GIMAP8: variants seen among roughly 807,000 people sequenced by gnomAD.
The protein encoded by GIMAP8 is GTPase IMAP family member 8.
In GIMAP8, 29 loss-of-function variants were observed where a neutral mutation model predicts 35.6. That is an observed-to-expected ratio of 0.81 (90% confidence interval 0.61 to 1.11). The LOEUF is 1.11. Ranked by LOEUF, GIMAP8 falls within the 50% of genes most tolerant of loss-of-function variation. GIMAP8 has a pLI of 0.00. For missense variants in GIMAP8, 811 were observed against 805.0 expected, an observed-to-expected ratio of 1.01 and a Z score of -0.09; for synonymous variants, 335 against 308.7, an observed-to-expected ratio of 1.09 and a Z score of -0.89.
At chr7:150,452,675 G>GATAGATAGATATATAT in intron 1 of GIMAP8, among the ~76,000 whole-genome samples, 1 of 79,672 alleles carries the variant, frequency 1.3e-5, no homozygotes, top group Non-Finnish European at 2.3e-5. Context: ...GTGTGTGTGA[G>GATAGATAGATATATAT]ATATATATAT....
At position 150,474,350 on chromosome 7, in the gene GIMAP8, G is replaced by A; in HGVS notation, c.1021G>A (p.Glu341Lys). ...ACTGGGCTTTTACACTAAGAATGATGAGGCAGTGCTGAGCACCATCCAAAA... is the reference window on the plus strand; with the variant it reads ...ACTGGGCTTTTACACTAAGAATGATAAGGCAGTGCTGAGCACCATCCAAAA... The part of the protein sequence containing the change: ...TPLGFYTKND[E>K]AVLSTIQNNF... Residue 341 changes from glutamate (E) to lysine (K), a missense_variant, in exon 4 of 5, where the codon GAG (glutamate) becomes AAG (lysine). By Grantham distance (56) the Glu-to-Lys change is moderately conservative (BLOSUM62 1). Transcript: ENST00000307271. 6.2e-7 allele frequency: 1 copy of A among 1,614,188 alleles called. No homozygotes were observed. Among genetic ancestry groups the A allele is most frequent in the Non-Finnish European group, 8.5e-7 (1 of 1,180,024 alleles).
Position 150,477,602 on chromosome 7 carries a change from G to T in GIMAP8, c.1820G>T (p.Gly607Val). 1 of 1,614,190 alleles carries T rather than the reference G, an allele frequency of 6.2e-7. No individual in the cohort carries two copies. The highest frequency in any genetic ancestry group is 8.5e-7 in the Non-Finnish European group (1 of 1,180,036). Residue 607 changes from glycine to valine, a missense_variant, in exon 5 of 5, where the codon GGC becomes GTC. Transcript: ENST00000307271. The stretch of plus-strand genomic sequence containing the variant: ...TGTGCTTTTAACAACAAAGAAACAG[G>T]CCAGGCCCAGGAAACCCAGGTGAAA... ...RVCAFNNKET[G>V]QAQETQVKAL...
chr7:150,477,391 T>C lies in GIMAP8; in HGVS notation c.1609T>C (p.Phe537Leu). 1 of 1,614,224 alleles carries C rather than the reference T, an allele frequency of 6.2e-7. No homozygotes were observed. The highest frequency in any genetic ancestry group is 8.5e-7 in the Non-Finnish European group (1 of 1,180,036). Residue 537 changes from phenylalanine (F) to leucine (L), a missense_variant, in exon 5 of 5, where the codon TTC (phenylalanine) becomes CTC (leucine). Phe to Leu is a conservative substitution (Grantham distance 22). Transcript: ENST00000307271. The stretch of plus-strand genomic sequence containing the variant: ...TGTCCTGGTGTTCCAGCTGGGACGA[T>C]TCACTGAAGAGGACAAAACAGCTGT... ...FFVLVFQLGR[F>L]TEEDKTAVAK...
intron 1 of GIMAP8, among the ~76,000 whole-genome samples, chr7:150,456,431 T>C (rs141786888): frequency 1.3e-5 from 2 of 152,308 alleles, no homozygotes; most frequent in Non-Finnish European, 2.9e-5. Context: ...AAGCTAGCAA[T>C]GTGGCATCTT....
At chr7:150,459,434 A>C (rs1801798796) in intron 1 of GIMAP8, among the ~76,000 whole-genome samples, 3 of 152,192 alleles carry the variant, frequency 2.0e-5, no homozygotes, top group Admixed American at 2.0e-4. Context: ...TAAGACCTTG[A>C]GGATGCGAAG....
At chr7:150,460,787 A>G (rs752235754) in intron 1 of GIMAP8, among the ~76,000 whole-genome samples, 1 of 152,226 alleles carries the variant, frequency 6.6e-6, no homozygotes, top group Non-Finnish European at 1.5e-5. Context: ...TAACTTGTGC[A>G]TTTAGGGCCT....
chr7:150,468,131 C>T (rs768789585), intron 2 of GIMAP8, among the ~76,000 whole-genome samples: 41 of 152,118 alleles, frequency 2.7e-4, no homozygotes, highest in Admixed American at 2.4e-3. Flanking sequence ...ACCCAGAATC[C>T]ACCTGCTTCT....
rs775850381 is a variant in GIMAP8, at chr7:150,474,523, C to T, written c.1194C>T (p.Ala398=). 1.3e-6 allele frequency: 2 copies of T among 1,577,530 alleles called. No homozygotes were observed. Among genetic ancestry groups the T allele is most frequent in the South Asian group, 2.2e-5 (2 of 90,842 alleles). The part of the protein sequence containing the change: ...LIQKCKNRYS[A]FNYRATGEEE... ...AGAAGTGTAAAAACAGATATAGTGC[C>T]TTCAACTACCGGGCAACAGGAGAAG... The change falls in exon 4 of 5, where the codon GCC becomes GCT. Residue 398 remains alanine, a synonymous_variant. Transcript: ENST00000307271.
chr7:150,464,491 G>A (rs1801908808), intron 1 of GIMAP8, among the ~76,000 whole-genome samples: 1 of 152,124 alleles, frequency 6.6e-6, no homozygotes, highest in South Asian at 2.1e-4. Context: ...AGACCCACCT[G>A]GGCAACATAG....
At chr7:150,469,285 G>C (rs77116388) in intron 2 of GIMAP8, among the ~76,000 whole-genome samples, 1 of 152,102 alleles carries the variant, frequency 6.6e-6, no homozygotes, top group Non-Finnish European at 1.5e-5. Flanking sequence ...ATCTGCATCA[G>C]CTAAAAGTCA....
Position 150,474,095 on chromosome 7 carries a change from C to T in GIMAP8, c.766C>T (p.Arg256Cys), listed in dbSNP as rs576578780. ...SELTVLLVGK[R>C]GAGKSAAGNS... ...ACTGACAGTCCTCCTTGTGGGGAAACGCGGTGCTGGAAAAAGTGCAGCAGG... is the reference window on the plus strand; with the variant it reads ...ACTGACAGTCCTCCTTGTGGGGAAATGCGGTGCTGGAAAAAGTGCAGCAGG... The change falls in exon 4 of 5, where the codon CGC becomes TGC. Residue 256 changes from arginine to cysteine, a missense_variant. Arg to Cys is a radical substitution (Grantham distance 180). Transcript: ENST00000307271. 80 of 1,614,162 alleles carry T rather than the reference C, an allele frequency of 5.0e-5. No homozygotes were observed. Among genetic ancestry groups the T allele is most frequent in the Middle Eastern group, 1.6e-4 (1 of 6,062 alleles).
At chr7:150,459,548 G>A (rs1434926643) in intron 1 of GIMAP8, among the ~76,000 whole-genome samples, 1 of 152,180 alleles carries the variant, frequency 6.6e-6, no homozygotes, top group Non-Finnish European at 1.5e-5. Context: ...GGGAGAAACA[G>A]CATCATATAT....
chr7:150,460,262 C>A (rs933966118), intron 1 of GIMAP8, among the ~76,000 whole-genome samples: 1 of 152,148 alleles, frequency 6.6e-6, no homozygotes, highest in African/African-American at 2.4e-5. Context: ...ATAAAATCTT[C>A]CTCTGCTGAA....
At chr7:150,466,230 T>A (rs185359542) in intron 1 of GIMAP8, among the ~76,000 whole-genome samples, 41 of 152,356 alleles carry the variant, frequency 2.7e-4, no homozygotes, top group Admixed American at 2.5e-3. Flanking sequence ...TGGCTACTCA[T>A]TAGAATTACT....
Position 150,474,221 on chromosome 7 carries a change from G to A in GIMAP8, c.892G>A (p.Val298Ile). Residue 298 changes from valine (V) to isoleucine (I), a missense_variant, in exon 4 of 5, where the codon GTT (valine) becomes ATT (isoleucine). By Grantham distance (29) the Val-to-Ile change is conservative. Transcript: ENST00000307271. ...SESRSWRKKKVSIIDAPDISS... is the reference protein window; with the variant it reads ...SESRSWRKKKISIIDAPDISS... Reference sequence around the variant, plus strand: ...GAGCAGAAGCTGGAGAAAAAAGAAAGTTTCGATCATTGATGCTCCGGACAT... The same window carrying A: ...GAGCAGAAGCTGGAGAAAAAAGAAAATTTCGATCATTGATGCTCCGGACAT... The A allele has an allele frequency of 6.2e-7, 1 of 1,614,166 alleles. No homozygotes were observed. The highest frequency in any genetic ancestry group is 8.5e-7 in the Non-Finnish European group (1 of 1,180,032).
intron 2 of GIMAP8, among the ~76,000 whole-genome samples, chr7:150,469,313 C>T (rs1802038128): frequency 6.6e-6 from 1 of 152,158 alleles, no homozygotes; most frequent in Non-Finnish European, 1.5e-5. Flanking sequence ...AGGGAGTCCT[C>T]CCTGACCATC....
In GIMAP8 at chr7:150,474,555, A is replaced by G; in HGVS notation, c.1226A>G (p.Gln409Arg). 1.2e-6 allele frequency: 2 copies of G among 1,614,020 alleles called. No homozygotes were observed. The highest frequency in any genetic ancestry group is 1.7e-6 in the Non-Finnish European group (2 of 1,179,950). Residue 409 changes from glutamine to arginine, a missense_variant, in exon 4 of 5, where the codon CAA becomes CGA. By Grantham distance (43) the Gln-to-Arg change is conservative. Coordinates refer to ENST00000307271, the MANE Select transcript of GIMAP8 (RefSeq NM_175571.4). ...FNYRATGEEE[Q>R]RQADELLEKI... ...TACCGGGCAACAGGAGAAGAAGAGC[A>G]AAGGCAGGCGGACGAGCTCCTGGAA...
chr7:150,453,211 C>A (rs1341601655), intron 1 of GIMAP8, among the ~76,000 whole-genome samples: 1 of 152,212 alleles, frequency 6.6e-6, no homozygotes, highest in Non-Finnish European at 1.5e-5. Context: ...AGTGTGAGAG[C>A]TTCTCTCCAT....
At chr7:150,475,051 A>C (rs549933416) in intron 4 of GIMAP8, among the ~76,000 whole-genome samples, 1 of 152,338 alleles carries the variant, frequency 6.6e-6, no homozygotes, top group African/African-American at 2.4e-5. Flanking sequence ...AAAGGACATG[A>C]ACTCATCATT....
Sources: gnomAD v4.1 joint callset for allele counts (sites outside exome capture counted in the v4.1 genomes callset) on GRCh38, gnomAD v4.1.1 for gene constraint, MANE v1.5 for transcripts, NCBI Gene and HGNC (gene_info 2026-07-23, HGNC 2026-07-21) for gene names.